Variants in FRMD6 observed in about 807,000 individuals in gnomAD.
FRMD6 encodes the protein FERM domain containing 6, also known as FERM domain-containing protein 6.
FRMD6 carries 37 observed loss-of-function variants against 73.2 expected under a neutral mutation model. That is an observed-to-expected ratio of 0.51 (90% CI 0.39 to 0.66). The LOEUF is 0.66. Ranked by LOEUF, FRMD6 falls within the 30% of genes least tolerant of loss-of-function variation. The pLI is 0.00. For missense variants in FRMD6, 714 were observed against 780.5 expected, an observed-to-expected ratio of 0.91 and a Z score of 1.02; for synonymous variants, 273 against 282.2, an observed-to-expected ratio of 0.97 and a Z score of 0.33.
chr14:51,439,475 C>A, the FRMD6 span, among the ~76,000 whole-genome samples: 4 of 152,166 alleles, frequency 2.6e-5, no homozygotes, highest in African/African-American at 9.7e-5. Context: ...AGTCTTTATT[C>A]TGAGCCTTTT....
intron 1 of FRMD6, among the ~76,000 whole-genome samples, chr14:51,531,722 T>C (rs564735790): frequency 1.3e-5 from 2 of 152,358 alleles, no homozygotes; most frequent in East Asian, 3.9e-4. Context: ...CATGTTATTG[T>C]GGAACAGGTG....
At chr14:51,657,179 G>A (rs924795136) in intron 1 of FRMD6, among the ~76,000 whole-genome samples, 1 of 151,896 alleles carries the variant, frequency 6.6e-6, no homozygotes, top group African/African-American at 2.4e-5. Flanking sequence ...TCTCCCCACA[G>A]GTAGTAGCAC....
chr14:51,583,669 C>A (rs1888859586), intron 2 of FRMD6, among the ~76,000 whole-genome samples: 1 of 152,186 alleles, frequency 6.6e-6, no homozygotes, highest in Admixed American at 6.5e-5. Flanking sequence ...TCCTAAGTAG[C>A]AGAGCTAGGA....
intron 1 of FRMD6, among the ~76,000 whole-genome samples, chr14:51,670,166 C>T (rs773334835): frequency 2.0e-5 from 3 of 152,188 alleles, no homozygotes; most frequent in Non-Finnish European, 4.4e-5. Context: ...GCCTTGACCT[C>T]CTGGGCTCAA....
Position 51,549,812 on chromosome 14 carries a change from A to G in FRMD6, c.-209-20536A>G, listed in dbSNP as rs963164252. Among the ~76,000 whole-genome samples, 72 of 151,264 alleles carry G rather than the reference A, an allele frequency of 4.8e-4. 1 individual carries two copies. Among genetic ancestry groups the G allele is most frequent in the South Asian group, 2.5e-3 (12 of 4,782 alleles). ...GGGTTTCACCGTGTTAGCCAGGATG[A>G]TCTCGATCTCCTGACCTCGTGATCC... On this transcript the variant is annotated intron_variant, in intron 1 of 14. Transcript: ENST00000356218.
chr14:51,436,526 A>G, the FRMD6 span: 3 of 654,468 alleles, frequency 4.6e-6, no homozygotes, highest in Non-Finnish European at 7.9e-6. Context: ...GAGGTGATCC[A>G]TCTTCAAAGT....
chr14:51,630,823 G>A (rs1891307495), intron 2 of FRMD6, among the ~76,000 whole-genome samples: 1 of 152,170 alleles, frequency 6.6e-6, no homozygotes, highest in Admixed American at 6.5e-5. Flanking sequence ...ATGAGAAAAT[G>A]TAACAATGGG....
At chr14:51,401,626 A>G in the FRMD6 span, among the ~76,000 whole-genome samples, 1 of 152,352 alleles carries the variant, frequency 6.6e-6, no homozygotes, top group Non-Finnish European at 1.5e-5. Flanking sequence ...AATTTCTCTG[A>G]AGACTTTTTC....
At chr14:51,722,413 T>G (rs921196288) in intron 12 of FRMD6, among the ~76,000 whole-genome samples, 7 of 152,330 alleles carry the variant, frequency 4.6e-5, no homozygotes, top group Middle Eastern at 3.4e-3. Context: ...CAGTCTGGCC[T>G]CCTTTTTACA....
At chr14:51,666,248 C>T (rs989497433) in intron 1 of FRMD6, among the ~76,000 whole-genome samples, 1 of 152,198 alleles carries the variant, frequency 6.6e-6, no homozygotes, top group Admixed American at 6.5e-5. Context: ...CTAGTTCTGT[C>T]ACATAGATGG....
intron 1 of FRMD6, among the ~76,000 whole-genome samples, chr14:51,553,182 A>C (rs141652112): frequency 6.2e-4 from 94 of 152,374 alleles, no homozygotes; most frequent in African/African-American, 1.8e-3. Flanking sequence ...TCTCTACTGA[A>C]TCTTAAAAAG....
chr14:51,409,151 G>A, the FRMD6 span, among the ~76,000 whole-genome samples: 1 of 151,998 alleles, frequency 6.6e-6, no homozygotes, highest in African/African-American at 2.4e-5. Flanking sequence ...CCTCTTGTAA[G>A]CATTCATGGG....
chr14:51,727,383 A>G (rs1229122710), intron 13 of FRMD6, among the ~76,000 whole-genome samples: 3 of 151,682 alleles, frequency 2.0e-5, no homozygotes, highest in African/African-American at 7.3e-5. Context: ...CTGAAATGCT[A>G]GGGATAGTTG....
chr14:51,499,310 C>A (rs1014264379), intron 1 of FRMD6, among the ~76,000 whole-genome samples: 4 of 152,138 alleles, frequency 2.6e-5, no homozygotes, highest in African/African-American at 9.7e-5. Context: ...CAAGAGAAAG[C>A]AGAGAAAGAG....
At chr14:51,633,648 G>T (rs999648286) in intron 2 of FRMD6, among the ~76,000 whole-genome samples, 4 of 145,122 alleles carry the variant, frequency 2.8e-5, no homozygotes, top group Admixed American at 1.4e-4. Flanking sequence ...ATAGTTTAAG[G>T]TAACCATAAA....
chr14:51,451,111 C>T, the FRMD6 span, among the ~76,000 whole-genome samples: 14,809 of 152,198 alleles, frequency 0.097, 876 homozygotes, highest in Non-Finnish European at 0.13. Flanking sequence ...TAGGACATGC[C>T]AGGAAAAGGT....
chr14:51,581,617 T>C (rs1400172659), intron 2 of FRMD6, among the ~76,000 whole-genome samples: 3 of 152,228 alleles, frequency 2.0e-5, no homozygotes, highest in African/African-American at 7.2e-5. Context: ...ACTAAGTTTA[T>C]ATGTCTTTAT....
At chr14:51,464,626 A>G in the FRMD6 span, among the ~76,000 whole-genome samples, 9 of 152,214 alleles carry the variant, frequency 5.9e-5, no homozygotes, top group Non-Finnish European at 1.2e-4. Flanking sequence ...ACTCTGGGCA[A>G]CAAGAAAACT....
chr14:51,488,583 C>T (rs1001290870), upstream of FRMD6, among the ~76,000 whole-genome samples: 10 of 152,320 alleles, frequency 6.6e-5, no homozygotes, highest in Admixed American at 2.0e-4. Flanking sequence ...TTCTATAATG[C>T]TTGCCTTATC....
Sources: gnomAD v4.1 joint callset for allele counts (sites outside exome capture counted in the v4.1 genomes callset) on GRCh38, gnomAD v4.1.1 for gene constraint, MANE v1.5 for transcripts, NCBI Gene and HGNC (gene_info 2026-07-23, HGNC 2026-07-21) for gene names.